The following GRIK1 variants were observed in gnomAD, a reference collection of about 807,000 sequenced individuals.
The protein encoded by GRIK1 is glutamate receptor ionotropic, kainate 1.
In GRIK1, 69 loss-of-function variants were observed where a neutral mutation model predicts 105.7. The observed-to-expected ratio is 0.65, with a 90% CI of 0.54 to 0.80. The LOEUF is 0.80. Ranked by LOEUF, GRIK1 falls within the 30% of genes least tolerant of loss-of-function variation. The pLI is 0.00. For missense variants in GRIK1, 1,109 were observed against 1,167.3 expected, an observed-to-expected ratio of 0.95 and a Z score of 0.73; for synonymous variants, 438 against 431.3, an observed-to-expected ratio of 1.02 and a Z score of -0.19.
intron 1 of GRIK1, among the ~76,000 whole-genome samples, chr21:29,759,783 T>C (rs1450194759): frequency 6.6e-6 from 1 of 152,216 alleles, no homozygotes; most frequent in Non-Finnish European, 1.5e-5. Flanking sequence ...TATACAAAGC[T>C]GATCTCTCTT....
At chr21:29,909,759 TG>T (rs1410101817) in intron 1 of GRIK1, among the ~76,000 whole-genome samples, 2 of 152,158 alleles carry the variant, frequency 1.3e-5, no homozygotes, top group African/African-American at 4.8e-5. Flanking sequence ...AAAAATCACA[TG>T]GGCATTTACC....
At chr21:29,550,800 C>A (rs2090121269) in intron 16 of GRIK1, among the ~76,000 whole-genome samples, 2 of 152,126 alleles carry the variant, frequency 1.3e-5, no homozygotes, top group African/African-American at 4.8e-5. Flanking sequence ...CCAGAAGGTA[C>A]CAACAGTTGT....
chr21:29,592,728 C>T lies in GRIK1; in HGVS notation c.1252-1503G>A, dbSNP rs530546309. On this transcript the variant is annotated intron_variant, in intron 9 of 17. Coordinates refer to ENST00000327783, the MANE Select transcript of GRIK1 (RefSeq NM_001330994.2). ...AAGTGTTGGTGCATGTTGTTAAGAC[C>T]TGCACACATAGTAACAAGAAAGGAC... Among the ~76,000 whole-genome samples, 40 of 152,258 alleles carry T rather than the reference C, an allele frequency of 2.6e-4. 1 individual carries two copies. The highest frequency in any genetic ancestry group is 7.2e-4 in the African/African-American group (30 of 41,544).
chr21:29,858,874 A>T (rs2068546292), intron 1 of GRIK1, among the ~76,000 whole-genome samples: 1 of 151,606 alleles, frequency 6.6e-6, no homozygotes, highest in Non-Finnish European at 1.5e-5. Flanking sequence ...ACACCTCCCC[A>T]CAGGATCAAA....
At chr21:29,704,518 C>G (rs749797627) in intron 1 of GRIK1, among the ~76,000 whole-genome samples, 1 of 152,180 alleles carries the variant, frequency 6.6e-6, no homozygotes, top group Non-Finnish European at 1.5e-5. Flanking sequence ...TGTGCCTTCT[C>G]CTTCAGAGCT....
chr21:29,616,641 C>G (rs962513399), intron 7 of GRIK1, among the ~76,000 whole-genome samples: 6 of 152,192 alleles, frequency 3.9e-5, no homozygotes, highest in Non-Finnish European at 8.8e-5. Flanking sequence ...CTCTCAAGAA[C>G]TTTCAGTCAA....
intron 9 of GRIK1, among the ~76,000 whole-genome samples, chr21:29,595,377 A>G (rs1241937172): frequency 1.4e-5 from 2 of 138,918 alleles, no homozygotes; most frequent in East Asian, 2.1e-4. Context: ...GGTGCCGGTT[A>G]GGTTCATCTA....
At position 29,673,168 on chromosome 21, in the gene GRIK1, G is replaced by A. The variant is rs1188652515; in HGVS notation, c.545-4C>T. On this transcript the variant is annotated splice_polypyrimidine_tract_variant and splice_region_variant and intron_variant, in intron 3 of 17. Transcript: ENST00000327783. ...AGCTCTTGTAGACGAATTAGACCTA[G>A]AAAATGACATGCAATCATGCAATGG... The A allele has an allele frequency of 1.9e-6, 3 of 1,593,386 alleles. No individual in the cohort carries two copies. The highest frequency in any genetic ancestry group is 2.6e-6 in the Non-Finnish European group (3 of 1,163,054).
intron 1 of GRIK1, among the ~76,000 whole-genome samples, chr21:29,807,811 C>T (rs1301052560): frequency 1.3e-5 from 2 of 152,070 alleles, no homozygotes; most frequent in African/African-American, 2.4e-5. Context: ...AAGATGAGTT[C>T]AGAGCATCAG....
chr21:29,601,844 A>T (rs1278962018), intron 7 of GRIK1, among the ~76,000 whole-genome samples: 1 of 152,186 alleles, frequency 6.6e-6, no homozygotes, highest in Non-Finnish European at 1.5e-5. Flanking sequence ...ATCTTACTAA[A>T]TTGTGTTCTC....
chr21:29,643,759 G>A (rs1385761933), intron 6 of GRIK1, among the ~76,000 whole-genome samples: 28 of 152,114 alleles, frequency 1.8e-4, no homozygotes, highest in Non-Finnish European at 1.5e-5. Context: ...TAATACCCTT[G>A]CATTTCACTT....
intron 1 of GRIK1, among the ~76,000 whole-genome samples, chr21:29,752,321 C>G (rs575540190): frequency 1.8e-4 from 27 of 152,108 alleles, no homozygotes; most frequent in African/African-American, 6.5e-4. Context: ...TCAGTCACTT[C>G]CCCCTAATTT....
intron 16 of GRIK1, chr21:29,553,772 T>C: frequency 9.0e-7 from 1 of 1,113,136 alleles, no homozygotes; most frequent in South Asian, 1.6e-5. Flanking sequence ...AATGAATGTT[T>C]AAATGAAAAT....
chr21:29,906,560 T>C (rs1311703449), intron 1 of GRIK1, among the ~76,000 whole-genome samples: 1 of 152,198 alleles, frequency 6.6e-6, no homozygotes, highest in Admixed American at 6.5e-5. Context: ...TTATTATATG[T>C]TTGCTTTACA....
At chr21:29,671,404 A>ATT (rs546244357) in intron 4 of GRIK1, among the ~76,000 whole-genome samples, 6 of 142,280 alleles carry the variant, frequency 4.2e-5, no homozygotes, top group African/African-American at 5.1e-5. Flanking sequence ...TTTAAATAGA[A>ATT]TTTTTTTTTT....
At chr21:29,667,759 C>T (rs982426636) in intron 4 of GRIK1, among the ~76,000 whole-genome samples, 4 of 152,140 alleles carry the variant, frequency 2.6e-5, no homozygotes, top group Non-Finnish European at 5.9e-5. Context: ...AAGACAGTGC[C>T]ATCTTGCTTT....
intron 1 of GRIK1, among the ~76,000 whole-genome samples, chr21:29,730,141 G>A (rs141738593): frequency 8.7e-4 from 133 of 152,228 alleles, no homozygotes; most frequent in African/African-American, 3.1e-3. Context: ...ATCCCTAGTT[G>A]GCCAGTCCGT....
intron 3 of GRIK1, among the ~76,000 whole-genome samples, chr21:29,688,784 C>G (rs780313579): frequency 6.6e-6 from 1 of 151,918 alleles, no homozygotes; most frequent in South Asian, 2.1e-4. Flanking sequence ...TGCGTGCGGT[C>G]GTGGAGAATG....
chr21:29,626,908 T>A (rs2062144940), intron 7 of GRIK1, among the ~76,000 whole-genome samples: 1 of 152,208 alleles, frequency 6.6e-6, no homozygotes. Context: ...AAATGTTGCA[T>A]GTTGAAATGG....
Sources: gnomAD v4.1 joint callset for allele counts (sites outside exome capture counted in the v4.1 genomes callset) on GRCh38, gnomAD v4.1.1 for gene constraint, MANE v1.5 for transcripts, NCBI Gene and HGNC (gene_info 2026-07-23, HGNC 2026-07-21) for gene names.